ANKRD44: variants seen among roughly 807,000 people sequenced by gnomAD.
The protein encoded by ANKRD44 is serine/threonine-protein phosphatase 6 regulatory ankyrin repeat subunit B.
Under a neutral mutation model 116.0 loss-of-function variants are expected in ANKRD44, and 35 were observed. The ratio of observed to expected loss-of-function variants is 0.30; its 90% confidence interval spans 0.23 to 0.40. The LOEUF is 0.40. ANKRD44 is among the 10% of genes least tolerant of loss of function. The probability of loss-of-function intolerance (pLI) is 1.00; values close to 1 mark genes in which losing one functional copy is unlikely to be tolerated. For synonymous variants in ANKRD44, 435 were observed against 461.8 expected, an observed-to-expected ratio of 0.94 and a Z score of 0.74; for missense variants, 1,014 against 1,242.6, an observed-to-expected ratio of 0.82 and a Z score of 2.77.
chr2:197,306,537 G>T (rs1180493337), intron 1 of ANKRD44, among the ~76,000 whole-genome samples: 1 of 152,166 alleles, frequency 6.6e-6, no homozygotes, highest in South Asian at 2.1e-4. Context: ...ATGTGATTGG[G>T]TCCTGAAACA....
intron 25 of ANKRD44, 33 bp from the exon 26 acceptor site, chr2:196,995,494 G>T: frequency 6.8e-7 from 1 of 1,468,088 alleles, no homozygotes; most frequent in Non-Finnish European, 9.4e-7. Flanking sequence ...AGAAATGCAA[G>T]ATAGAGACAC....
chr2:197,168,210 G>C (rs2080143525), intron 2 of ANKRD44, among the ~76,000 whole-genome samples: 1 of 152,196 alleles, frequency 6.6e-6, no homozygotes, highest in Non-Finnish European at 1.5e-5. Flanking sequence ...ACAGAACAGA[G>C]AAAAGCTATC....
intron 21 of ANKRD44, among the ~76,000 whole-genome samples, chr2:196,981,182 C>T (rs1223250775): frequency 6.6e-6 from 1 of 152,184 alleles, no homozygotes; most frequent in Non-Finnish European, 1.5e-5. Context: ...CCATTGACTA[C>T]CACTTTTTCA....
intron 14 of ANKRD44, among the ~76,000 whole-genome samples, chr2:197,082,302 C>T (rs1290814935): frequency 6.6e-6 from 1 of 152,134 alleles, no homozygotes; most frequent in East Asian, 1.9e-4. Flanking sequence ...TTATAACCTG[C>T]ATGCCTAAGG....
At chr2:197,289,467 A>C (rs2083500486) in intron 1 of ANKRD44, among the ~76,000 whole-genome samples, 1 of 152,248 alleles carries the variant, frequency 6.6e-6, no homozygotes, top group South Asian at 2.1e-4. Flanking sequence ...TGTGGGTACA[A>C]CCCAAATTTC....
intron 21 of ANKRD44, among the ~76,000 whole-genome samples, chr2:197,005,129 GA>G (rs1025852732): frequency 1.3e-5 from 2 of 152,058 alleles, no homozygotes; most frequent in Non-Finnish European, 2.9e-5. Flanking sequence ...AGTAGGTTTA[GA>G]AATGGAAACA....
chr2:197,055,876 T>C (rs74661774), intron 16 of ANKRD44, among the ~76,000 whole-genome samples: 6,142 of 152,280 alleles, frequency 0.04, 161 homozygotes, highest in Middle Eastern at 0.082. Flanking sequence ...TCTAATACCA[T>C]ACTGTTTTCA....
At chr2:197,154,087 T>A (rs2079735945) in intron 2 of ANKRD44, among the ~76,000 whole-genome samples, 1 of 152,068 alleles carries the variant, frequency 6.6e-6, no homozygotes. Flanking sequence ...TCCAAAGTAT[T>A]AATAGTTTTA....
chr2:197,145,150 G>A (rs1239152505), intron 3 of ANKRD44, among the ~76,000 whole-genome samples: 2 of 152,094 alleles, frequency 1.3e-5, no homozygotes, highest in African/African-American at 4.8e-5. Flanking sequence ...AATTAGCCAG[G>A]CGTGGTGGCA....
intron 16 of ANKRD44, among the ~76,000 whole-genome samples, chr2:197,055,462 A>C (rs2077185928): frequency 1.3e-5 from 2 of 152,184 alleles, no homozygotes; most frequent in African/African-American, 4.8e-5. Context: ...AGAGTCCAAT[A>C]TATCCAGTTA....
chr2:196,997,415 G>GTT (rs2076032332), intron 25 of ANKRD44, among the ~76,000 whole-genome samples: 1 of 147,782 alleles, frequency 6.8e-6, no homozygotes, highest in African/African-American at 2.5e-5. Context: ...TGATATAAAA[G>GTT]ATAAATTATA....
In ANKRD44 at chr2:197,132,807, C is replaced by A. The variant is rs573129797; in HGVS notation, c.261+3785G>T. The stretch of plus-strand genomic sequence containing the variant: ...TTTAATGAATAACTCAAAAAAAAAA[C>A]AATTCTTTTCTAACTAGGCAAGATG... On this transcript the variant is annotated intron_variant, in intron 4 of 27. Transcript: ENST00000282272. Among the ~76,000 whole-genome samples, 45 of 151,134 alleles carry A rather than the reference C, an allele frequency of 3.0e-4. No individual in the cohort carries two copies. In the South Asian group the frequency reaches 9.0e-3, roughly 30 times the overall value.
chr2:197,233,461 C>T (rs1263822498), intron 1 of ANKRD44, among the ~76,000 whole-genome samples: 1 of 151,958 alleles, frequency 6.6e-6, no homozygotes, highest in Non-Finnish European at 1.5e-5. Flanking sequence ...TTTCTTCAGC[C>T]AATATCTGAA....
At chr2:196,997,553 G>A (rs111744640) in intron 25 of ANKRD44, among the ~76,000 whole-genome samples, 16,732 of 150,002 alleles carry the variant, frequency 0.11, 1,082 homozygotes, top group East Asian at 0.16. Flanking sequence ...GGGTTCAAAC[G>A]ATTCTCCTGG....
intron 1 of ANKRD44, among the ~76,000 whole-genome samples, chr2:197,252,421 T>G (rs919152146): frequency 7.9e-5 from 12 of 152,126 alleles, no homozygotes; most frequent in African/African-American, 2.9e-4. Context: ...TTTTTCTTTT[T>G]TTAGACGGAG....
intron 16 of ANKRD44, among the ~76,000 whole-genome samples, chr2:197,068,286 C>T (rs960726989): frequency 1.5e-5 from 2 of 133,328 alleles, no homozygotes; most frequent in Admixed American, 1.5e-4. Flanking sequence ...GGGTGCAGCG[C>T]ACCAGCATGG....
At chr2:196,984,296 A>G (rs1559393405), downstream of ANKRD44, among the ~76,000 whole-genome samples, 1 of 151,710 alleles carries the variant, frequency 6.6e-6, no homozygotes, top group Non-Finnish European at 1.5e-5. Flanking sequence ...AGCCCTGCCC[A>G]CCCCCCAGCC....
chr2:196,976,222 C>T (rs1427935551), intron 21 of ANKRD44, among the ~76,000 whole-genome samples: 8 of 152,028 alleles, frequency 5.3e-5, no homozygotes, highest in South Asian at 4.1e-4. Flanking sequence ...CTGTAACCTC[C>T]GCCTCCCAGG....
At chr2:196,982,663 T>C (rs2075810004), downstream of ANKRD44, among the ~76,000 whole-genome samples, 1 of 152,212 alleles carries the variant, frequency 6.6e-6, no homozygotes, top group South Asian at 2.1e-4. Context: ...GTCTCTTCAT[T>C]TCCCTTGTTG....
Sources: gnomAD v4.1 joint callset for allele counts (sites outside exome capture counted in the v4.1 genomes callset) on GRCh38, gnomAD v4.1.1 for gene constraint, MANE v1.5 for transcripts, NCBI Gene and HGNC (gene_info 2026-07-23, HGNC 2026-07-21) for gene names.